Variants in AASDH observed in about 807,000 individuals in gnomAD.
AASDH encodes the protein aminoadipate-semialdehyde dehydrogenase.
In AASDH, 81 loss-of-function variants were observed where a neutral mutation model predicts 102.3. The ratio of observed to expected loss-of-function variants is 0.79; its 90% CI spans 0.66 to 0.95. AASDH has a LOEUF of 0.95. Ranked by LOEUF, AASDH falls within the 40% of genes least tolerant of loss-of-function variation. The pLI, the probability that AASDH is intolerant of heterozygous loss-of-function variation, is 0.00. For synonymous variants in AASDH, 398 were observed against 454.0 expected (o/e 0.88, Z 1.57); for missense variants, 1,203 against 1,266.2 (o/e 0.95, Z 0.76).
intron 4 of AASDH, among the ~76,000 whole-genome samples, chr4:56,373,843 A>G (rs1157106383): frequency 1.7e-5 from 2 of 120,850 alleles, no homozygotes; most frequent in Non-Finnish European, 1.8e-5. Flanking sequence ...AGTTCCATGT[A>G]GTTCATTTCA....
intron 4 of AASDH, among the ~76,000 whole-genome samples, chr4:56,373,828 C>G (rs59733269): frequency 0.69 from 104,407 of 151,928 alleles, 35,981 homozygotes; most frequent in South Asian, 0.76. Flanking sequence ...GCATACAGTT[C>G]ATGTAGTTCC....
chr4:56,347,254 A>T (rs185021660), intron 11 of AASDH, among the ~76,000 whole-genome samples: 50 of 152,322 alleles, frequency 3.3e-4, no homozygotes, highest in Admixed American at 3.0e-3. Context: ...GAAACAATTC[A>T]GCAGTTTCTT....
intron 1 of AASDH, among the ~76,000 whole-genome samples, chr4:56,386,261 C>A (rs1177405872): frequency 6.6e-6 from 1 of 152,126 alleles, no homozygotes; most frequent in Admixed American, 6.5e-5. Flanking sequence ...CTGCAGCAGG[C>A]GCTTAAATTA....
chr4:56,344,825 G>T (rs1748128744), intron 12 of AASDH, among the ~76,000 whole-genome samples: 1 of 151,842 alleles, frequency 6.6e-6, no homozygotes, highest in Non-Finnish European at 1.5e-5. Context: ...TTGGGAAATA[G>T]TTAATACCTG....
At chr4:56,380,716 G>C (rs1259243968) in intron 3 of AASDH, among the ~76,000 whole-genome samples, 2 of 152,190 alleles carry the variant, frequency 1.3e-5, no homozygotes, top group Admixed American at 1.3e-4. Context: ...CCTGTCCGTA[G>C]TGCAAGGTTT....
intron 5 of AASDH, among the ~76,000 whole-genome samples, chr4:56,360,434 G>A (rs1578006539): frequency 6.6e-6 from 1 of 152,316 alleles, no homozygotes; most frequent in East Asian, 1.9e-4. Context: ...CAAATTAAGT[G>A]AGCCCCTTCA....
chr4:56,365,866 G>A (rs1336323564), intron 5 of AASDH, among the ~76,000 whole-genome samples: 4 of 152,124 alleles, frequency 2.6e-5, no homozygotes, highest in African/African-American at 4.8e-5. Context: ...AAATAACTAA[G>A]ATCAGAGCAG....
intron 14 of AASDH, among the ~76,000 whole-genome samples, chr4:56,340,596 A>G (rs1295444190): frequency 6.6e-6 from 1 of 152,230 alleles, no homozygotes; most frequent in East Asian, 1.9e-4. Context: ...ACATAAGGGA[A>G]TCACTTCAGG....
At chr4:56,363,122 A>G (rs1294837281) in intron 5 of AASDH, among the ~76,000 whole-genome samples, 4 of 152,224 alleles carry the variant, frequency 2.6e-5, no homozygotes, top group African/African-American at 9.6e-5. Flanking sequence ...AGCCTGGCTC[A>G]TTGCTAGCAC....
rs769993209 is a variant in AASDH, at chr4:56,354,104, A to G, written c.1318T>C (p.Leu440=). 141 of 1,609,758 alleles carry G rather than the reference A, an allele frequency of 8.8e-5. No individual in the cohort carries two copies. The highest frequency in any genetic ancestry group is 1.6e-4 in the Middle Eastern group (1 of 6,064). The change falls in exon 8 of 15, where the codon TTG becomes CTG. Residue 440 remains leucine, a synonymous_variant. Coordinates refer to ENST00000205214, the MANE Select transcript of AASDH (RefSeq NM_181806.4). ...VTVKDGEIFF[L]GRKDSQIKRH... is the part of the protein sequence containing the mutation. The stretch of plus-strand genomic sequence containing the variant: ...TTGATCTGACTGTCTTTTCGTCCCA[A>G]AAAAAAAATCTCTCCATCTTTCACA...
chr4:56,341,562 T>A (rs1747695876), intron 14 of AASDH, among the ~76,000 whole-genome samples: 1 of 148,526 alleles, frequency 6.7e-6, no homozygotes, highest in Non-Finnish European at 1.5e-5. Flanking sequence ...CCAGCTAATT[T>A]TTTTTTTTTT....
At chr4:56,374,817 C>T (rs1752165205) in intron 4 of AASDH, among the ~76,000 whole-genome samples, 2 of 152,068 alleles carry the variant, frequency 1.3e-5, no homozygotes, top group South Asian at 4.1e-4. Flanking sequence ...GCTCTCCACC[C>T]CCATTTTAAA....
intron 3 of AASDH, among the ~76,000 whole-genome samples, chr4:56,380,241 G>T (rs76923945): frequency 0.024 from 3,619 of 152,286 alleles, 76 homozygotes; most frequent in South Asian, 0.055. Flanking sequence ...TTGGTGGATG[G>T]AGAAGAATTA....
At chr4:56,373,926 A>G (rs1273881003) in intron 4 of AASDH, among the ~76,000 whole-genome samples, 1 of 152,258 alleles carries the variant, frequency 6.6e-6, no homozygotes, top group Non-Finnish European at 1.5e-5. Context: ...AAAGGAAGAA[A>G]AAAAGTGGAA....
chr4:56,356,604 T>C, intron 5 of AASDH: 1 of 723,220 alleles, frequency 1.4e-6, no homozygotes, highest in Non-Finnish European at 2.5e-6. Flanking sequence ...TGGTGGTGAC[T>C]GCACACGTGG....
At chr4:56,345,624 G>A (rs763624916) in intron 11 of AASDH, among the ~76,000 whole-genome samples, 3 of 152,150 alleles carry the variant, frequency 2.0e-5, no homozygotes, top group Non-Finnish European at 4.4e-5. Flanking sequence ...ATTTCATCAC[G>A]ACTGTCACTG....
Position 56,378,258 on chromosome 4 carries a change from C to G in AASDH, c.558G>C (p.Leu186=). Residue 186 remains leucine, a synonymous_variant, in exon 4 of 15, where the codon CTG becomes CTC. Transcript: ENST00000205214. ...CATAGGCTAAGCAATGCTTTAGCCT[C>G]AGATCCATGTGTTCTTCTGCTTTTT... ...NEEKAEEHMD[L]RLKHCLAYVL... 3 of 1,614,084 alleles carry G rather than the reference C, an allele frequency of 1.9e-6. No individual in the cohort carries two copies. The highest frequency in any genetic ancestry group is 2.5e-6 in the Non-Finnish European group (3 of 1,180,030).
At chr4:56,367,722 A>G (rs1291349654) in intron 5 of AASDH, among the ~76,000 whole-genome samples, 3 of 148,120 alleles carry the variant, frequency 2.0e-5, no homozygotes, top group Non-Finnish European at 3.0e-5. Flanking sequence ...TTAATTCAAG[A>G]TGGATTAAAG....
Position 56,351,354 on chromosome 4 carries a change from C to G in AASDH, c.1680G>C (p.Gln560His). Residue 560 changes from glutamine to histidine, a missense_variant, in exon 10 of 15, where the codon CAG becomes CAC. Transcript: ENST00000205214. ...TTAAAAATTGTACCTTCCACAAATA[C>G]TGTAATTTTTCCCAAAGGTCCTCTT... ...SGKEDLWEKLQYLWKSTLNLP... is the reference protein window; with the variant it reads ...SGKEDLWEKLHYLWKSTLNLP... 1 of 1,573,846 alleles carries G rather than the reference C, an allele frequency of 6.4e-7. No homozygotes were observed. The highest frequency in any genetic ancestry group is 2.2e-5 in the East Asian group (1 of 44,482).
Sources: gnomAD v4.1 joint callset for allele counts (sites outside exome capture counted in the v4.1 genomes callset) on GRCh38, gnomAD v4.1.1 for gene constraint, MANE v1.5 for transcripts, NCBI Gene and HGNC (gene_info 2026-07-23, HGNC 2026-07-21) for gene names.